MAST2: variants seen among roughly 807,000 people sequenced by gnomAD.
The protein encoded by MAST2 is microtubule associated serine/threonine kinase 2, also known as microtubule-associated serine/threonine-protein kinase 2.
MAST2 carries 70 observed loss-of-function variants against 147.4 expected under a neutral mutation model. That is an observed-to-expected ratio of 0.47 (90% confidence interval 0.39 to 0.58). The LOEUF (loss-of-function observed/expected upper bound fraction) is 0.58, where lower values mean the gene tolerates loss of function less well. MAST2 is among the 20% of genes least tolerant of loss of function. The probability of loss-of-function intolerance (pLI) is 0.00; values close to 1 mark genes in which losing one functional copy is unlikely to be tolerated. For synonymous variants in MAST2, 869 were observed against 896.8 expected (o/e 0.97, Z 0.55); for missense variants, 2,080 against 2,302.3 (o/e 0.90, Z 1.98).
intron 5 of MAST2, among the ~76,000 whole-genome samples, chr1:45,984,859 A>G (rs532719641): frequency 5.3e-5 from 8 of 152,280 alleles, no homozygotes; most frequent in South Asian, 4.1e-4. Context: ...TCTCAGAAAA[A>G]AAATCCATAA....
At chr1:45,922,955 A>G (rs1382568143) in intron 4 of MAST2, among the ~76,000 whole-genome samples, 3 of 152,078 alleles carry the variant, frequency 2.0e-5, no homozygotes, top group African/African-American at 7.2e-5. Flanking sequence ...GATCTGCTCC[A>G]TGGGGCTGGT....
chr1:45,990,437 T>C (rs1373023876), intron 5 of MAST2, among the ~76,000 whole-genome samples: 1 of 152,198 alleles, frequency 6.6e-6, no homozygotes, highest in African/African-American at 2.4e-5. Flanking sequence ...TTGTCTTTTA[T>C]CAAGTATGTG....
At position 46,031,866 on chromosome 1, in the gene MAST2, C is replaced by T; in HGVS notation, c.3187+281C>T. Among the ~76,000 whole-genome samples, 1 of 152,212 alleles carries T rather than the reference C, an allele frequency of 6.6e-6. No homozygotes were observed. Among genetic ancestry groups the T allele is most frequent in the South Asian group, 2.1e-4 (1 of 4,828 alleles). ...ACCTTGAGCAAGTTGCTTAACTTCT[C>T]TAAGCCTCAAGTTTCTTATCCAAAA... On this transcript the variant is annotated intron_variant, in intron 24 of 28. Transcript: ENST00000361297. This position sits in a 1 kb window ranked among gnomAD's most constrained non-coding sequence, Gnocchi z 4.1.
chr1:45,809,976 A>G (rs6429580), intron 1 of MAST2, among the ~76,000 whole-genome samples: 50,379 of 152,068 alleles, frequency 0.33, 8,628 homozygotes, highest in African/African-American at 0.41. Context: ...GAAAGGATGA[A>G]TCAGTGTTTT....
intron 5 of MAST2, among the ~76,000 whole-genome samples, chr1:45,997,086 A>G (rs1645086690): frequency 6.6e-6 from 1 of 152,190 alleles, no homozygotes; most frequent in South Asian, 2.1e-4. Flanking sequence ...ATTAATGCAA[A>G]GGTAAACTTA....
Position 46,023,874 on chromosome 1 carries a change from C to T in MAST2, c.1674C>T (p.Phe558=), listed in dbSNP as rs201013791. 1.9e-5 allele frequency: 31 copies of T among 1,614,112 alleles called. No homozygotes were observed. In the Admixed American group the frequency reaches 2.7e-4, roughly 14 times the overall value. Residue 558 remains phenylalanine (F), a synonymous_variant, in exon 15 of 29, where the codon TTC becomes TTT. Transcript: ENST00000361297. The surrounding 1 kb of genome is among the most constrained non-coding windows in gnomAD (Gnocchi z 4.9). ...TACGGAACCAGATCCAGCAGGCCTTCGTGGAGCGTGACATACTGACTTTCG... is the reference window on the plus strand; with the variant it reads ...TACGGAACCAGATCCAGCAGGCCTTTGTGGAGCGTGACATACTGACTTTCG... ...LILRNQIQQA[F]VERDILTFAE...
chr1:45,911,851 TTATATTATTA>T (rs1355295279), intron 4 of MAST2, among the ~76,000 whole-genome samples: 6 of 132,034 alleles, frequency 4.5e-5, no homozygotes, highest in African/African-American at 1.8e-4. Context: ...ATTATTATTG[TTATATTATTA>T]TTATTATTAT....
At chr1:45,915,570 C>T (rs1652365805) in intron 4 of MAST2, among the ~76,000 whole-genome samples, 1 of 151,924 alleles carries the variant, frequency 6.6e-6, no homozygotes, top group African/African-American at 2.4e-5. Flanking sequence ...ATTAGCCGGA[C>T]GTGGTGGCGG....
intron 4 of MAST2, among the ~76,000 whole-genome samples, chr1:45,888,641 C>T (rs929201787): frequency 1.3e-4 from 17 of 134,650 alleles, no homozygotes; most frequent in South Asian, 2.5e-4. Flanking sequence ...GGATTACAGG[C>T]GTGAGCCACC....
chr1:45,937,022 ATT>A lies in MAST2; in HGVS notation c.501-22363_501-22362del, dbSNP rs947753443. On this transcript the variant is annotated intron_variant, in intron 4 of 28. Transcript: ENST00000361297. ...CTCCTGAGTAGCTGGATCTAAAGGC[ATT>A]ATACCACCATGCCTGGGCTTTTTTT... is the stretch of plus-strand genomic sequence containing the variant. Among the ~76,000 whole-genome samples, 425 of 144,960 alleles carry A rather than the reference ATT, an allele frequency of 2.9e-3. 3 individuals are homozygous for A. Among genetic ancestry groups the A allele is most frequent in the African/African-American group, 0.01 (408 of 39,512 alleles).
chr1:45,937,751 CAAAAAAAAAAAAA>C (rs34830747), intron 4 of MAST2, among the ~76,000 whole-genome samples: 66 of 73,218 alleles, frequency 9.0e-4, no homozygotes, highest in African/African-American at 3.3e-3. Flanking sequence ...AACTCCATCT[CAAAAAAAAAAAAA>C]AAAAAAAAAA....
chr1:45,933,400 T>G (rs1337942809), intron 4 of MAST2, among the ~76,000 whole-genome samples: 1 of 152,040 alleles, frequency 6.6e-6, no homozygotes, highest in Non-Finnish European at 1.5e-5. Context: ...CTAATTCTAG[T>G]TTGGTTCTAG....
chr1:45,868,015 TCA>T (rs1646230154), intron 3 of MAST2, among the ~76,000 whole-genome samples: 1 of 152,208 alleles, frequency 6.6e-6, no homozygotes, highest in African/African-American at 2.4e-5. Context: ...GTCTGCACAG[TCA>T]CACACTACAA....
intron 10 of MAST2, among the ~76,000 whole-genome samples, chr1:46,011,278 C>T (rs558130054): frequency 1.1e-3 from 160 of 152,288 alleles, no homozygotes; most frequent in African/African-American, 3.6e-3. Context: ...GTGGCTGTGA[C>T]GGGCTTTCTT....
chr1:45,911,382 A>T (rs945203303), intron 4 of MAST2, among the ~76,000 whole-genome samples: 3 of 152,196 alleles, frequency 2.0e-5, no homozygotes, highest in Non-Finnish European at 2.9e-5. Flanking sequence ...GCATTATTTA[A>T]GGAGCTCCGT....
chr1:46,024,918 A>T (rs955654490), intron 15 of MAST2, among the ~76,000 whole-genome samples: 2 of 152,222 alleles, frequency 1.3e-5, no homozygotes, highest in African/African-American at 4.8e-5. Flanking sequence ...GTGGACTTAC[A>T]GTTCCATGTG....
chr1:46,035,366 T>C lies in MAST2; in HGVS notation c.4697T>C (p.Ile1566Thr). 3.1e-6 allele frequency: 5 copies of C among 1,613,256 alleles called. No individual in the cohort carries two copies. The highest frequency in any genetic ancestry group is 8.5e-7 in the Non-Finnish European group (1 of 1,179,714). ...GPMVPSLLTG[I>T]TLGPPRMESP... ...ATGGTCCCAAGCCTATTGACAGGGA[T>C]CACACTGGGGCCTCCCAGAATGGAA... The change falls in exon 29 of 29, where the codon ATC becomes ACC. Residue 1566 changes from isoleucine to threonine, a missense_variant. Transcript: ENST00000361297. The surrounding 1 kb of genome is among the most constrained non-coding windows in gnomAD (Gnocchi z 5.5).
chr1:45,835,490 T>G (rs1222819609), intron 3 of MAST2, among the ~76,000 whole-genome samples: 1 of 152,180 alleles, frequency 6.6e-6, no homozygotes, highest in Non-Finnish European at 1.5e-5. Flanking sequence ...TTGGGAATAT[T>G]TCTAACCAGA....
In MAST2 at chr1:46,029,832, C is replaced by G. The variant is rs758943298; in HGVS notation, c.2322C>G (p.Gly774=). The change falls in exon 20 of 29, where the codon GGC becomes GGG. Residue 774 remains glycine (G), a splice_region_variant and synonymous_variant. Coordinates refer to ENST00000361297, the MANE Select transcript of MAST2 (RefSeq NM_015112.3). ...TGCCCATGTCCTCCCTGTCCACAGG[C>G]AGTGCCTATGAGGTGAAGCAGCACC... is the stretch of plus-strand genomic sequence containing the variant. ...HQNPLERLGT[G]SAYEVKQHPF... 4.2e-5 allele frequency: 68 copies of G among 1,613,914 alleles called. No individual in the cohort carries two copies. The highest frequency in any genetic ancestry group is 5.4e-5 in the Non-Finnish European group (64 of 1,179,968).
Sources: gnomAD v4.1 joint callset for allele counts (sites outside exome capture counted in the v4.1 genomes callset) on GRCh38, gnomAD v4.1.1 for gene constraint, Gnocchi (gnomAD v3.1) non-coding constraint, MANE v1.5 for transcripts, NCBI Gene and HGNC (gene_info 2026-07-23, HGNC 2026-07-21) for gene names.